The following RYR2 variants were observed in gnomAD, a reference collection of about 807,000 sequenced individuals.
RYR2 encodes the protein ryanodine receptor 2, also known as cardiac muscle ryanodine receptor-calcium release channel.
In RYR2, 227 loss-of-function variants were observed where a neutral mutation model predicts 601.1. The ratio of observed to expected loss-of-function variants is 0.38; its 90% CI spans 0.34 to 0.42. RYR2 has a LOEUF of 0.42. Among genes scored for constraint, RYR2 ranks in the 10% least tolerant of loss-of-function variants. RYR2 has a pLI of 1.00. For missense variants in RYR2, 4,646 were observed against 6,156.5 expected, an observed-to-expected ratio of 0.75 and a Z score of 8.21; for synonymous variants, 2,223 against 2,175.1, an observed-to-expected ratio of 1.02 and a Z score of -0.61.
chr1:237,505,352 T>G (rs2150506546), intron 22 of RYR2, among the ~76,000 whole-genome samples: 1 of 152,282 alleles, frequency 6.6e-6, no homozygotes, highest in South Asian at 2.1e-4. Flanking sequence ...ATATTCAAAG[T>G]TTGTTTCTTA....
In RYR2 at chr1:237,787,597, C is replaced by CAA. The variant is rs778668137; in HGVS notation, c.13329-371_13329-370dup. ...ACAGAGCGAGACTCTGTCTCAAAAA[C>CAA]AAAAAAAAAAAAAAAAAAAAAGGAT... On this transcript the variant is annotated intron_variant, in intron 91 of 104. Coordinates refer to ENST00000366574, the MANE Select transcript of RYR2 (RefSeq NM_001035.3). 2.3e-3 allele frequency among the ~76,000 whole-genome samples: 136 copies of CAA among 60,370 alleles called. 1 individual carries two copies. Among genetic ancestry groups the CAA allele is most frequent in the African/African-American group, 4.0e-3 (86 of 21,638 alleles). The allele number at this position is 60,370 out of a possible 152,430, so 39.6% of individuals were successfully genotyped here.
intron 1 of RYR2, among the ~76,000 whole-genome samples, chr1:237,244,412 G>C (rs979679142): frequency 6.6e-6 from 1 of 152,164 alleles, no homozygotes; most frequent in Non-Finnish European, 1.5e-5. Context: ...CAGAATGGCG[G>C]CTCCATCTGC....
At position 237,614,942 on chromosome 1, in the gene RYR2, T is replaced by C. The variant is rs1678305957; in HGVS notation, c.5715+99T>C. ...TTTCTCTGTGTGTGTGTTTATTTCTTTGCATTCCTGTGTAATGGTAGTTCT... is the reference window on the plus strand; with the variant it reads ...TTTCTCTGTGTGTGTGTTTATTTCTCTGCATTCCTGTGTAATGGTAGTTCT... On this transcript the variant is annotated intron_variant, in intron 37 of 104. Coordinates refer to ENST00000366574, the MANE Select transcript of RYR2 (RefSeq NM_001035.3). This position sits in a 1 kb window ranked among gnomAD's most constrained non-coding sequence, Gnocchi z 4.3. The C allele has an allele frequency of 2.4e-6, 3 of 1,228,016 alleles. No individual in the cohort carries two copies. Among genetic ancestry groups the C allele is most frequent in the Admixed American group, 2.8e-5 (1 of 35,242 alleles). The allele number at this position is 1,228,016 out of a possible 1,614,324, so 76.1% of individuals were successfully genotyped here. A position where few individuals can be genotyped will look rare whatever the true frequency, so the allele number is the denominator to read the frequency against.
intron 100 of RYR2, among the ~76,000 whole-genome samples, chr1:237,810,639 A>G (rs1372712777): frequency 2.0e-5 from 3 of 152,106 alleles, no homozygotes; most frequent in African/African-American, 7.2e-5. Flanking sequence ...TTTACTCACA[A>G]ACAAGCCTCT....
chr1:237,309,761 T>A (rs12125413), intron 2 of RYR2, among the ~76,000 whole-genome samples: 51,432 of 152,038 alleles, frequency 0.34, 8,936 homozygotes, highest in South Asian at 0.51. Flanking sequence ...GCAGGTCCCG[T>A]GCCCTGCCCT....
intron 17 of RYR2, among the ~76,000 whole-genome samples, chr1:237,488,350 C>T (rs1662927292): frequency 6.6e-6 from 1 of 152,190 alleles, no homozygotes; most frequent in Admixed American, 6.5e-5. Flanking sequence ...AAGGCTCCTG[C>T]AGATATGGCA....
chr1:237,488,518 A>G (rs1662951631), intron 17 of RYR2, among the ~76,000 whole-genome samples: 1 of 152,068 alleles, frequency 6.6e-6, no homozygotes. Flanking sequence ...TCCTAATACC[A>G]TTGTCAGGCC....
intron 58 of RYR2, among the ~76,000 whole-genome samples, chr1:237,673,215 T>C (rs1685108641): frequency 6.6e-6 from 1 of 152,180 alleles, no homozygotes; most frequent in Non-Finnish European, 1.5e-5. Flanking sequence ...ACCACACATG[T>C]TTTACGAATG....
chr1:237,782,652 A>G (rs12733934), intron 89 of RYR2, among the ~76,000 whole-genome samples: 11,299 of 152,254 alleles, frequency 0.074, 706 homozygotes, highest in African/African-American at 0.17. Context: ...TGGGTTAAAT[A>G]CTAACAAACA....
intron 12 of RYR2, among the ~76,000 whole-genome samples, chr1:237,430,347 G>A (rs1706681275): frequency 6.6e-6 from 1 of 151,476 alleles, no homozygotes; most frequent in Non-Finnish European, 1.5e-5. Flanking sequence ...ATTTTGAGTT[G>A]TAAATTGTAA....
intron 3 of RYR2, among the ~76,000 whole-genome samples, chr1:237,339,674 A>G (rs962986029): frequency 6.6e-6 from 1 of 152,168 alleles, no homozygotes; most frequent in African/African-American, 2.4e-5. Flanking sequence ...GATTTAGTTG[A>G]TCCAAGCTCT....
chr1:237,329,925 GGA>G (rs1383883504), intron 2 of RYR2, among the ~76,000 whole-genome samples: 8 of 152,132 alleles, frequency 5.3e-5, no homozygotes, highest in Non-Finnish European at 1.2e-4. Context: ...ACACAGAACA[GGA>G]CCAAGTTAGA....
At chr1:237,580,313 G>A (rs561932649) in intron 29 of RYR2, among the ~76,000 whole-genome samples, 49 of 151,616 alleles carry the variant, frequency 3.2e-4, no homozygotes, top group Admixed American at 2.4e-3. Context: ...ACACCACGAC[G>A]CCTGGCTAAT....
chr1:237,584,739 C>T (rs1380580478), intron 29 of RYR2, among the ~76,000 whole-genome samples: 1 of 132,038 alleles, frequency 7.6e-6, no homozygotes, highest in Non-Finnish European at 1.5e-5. Context: ...TAGTTCATTG[C>T]AGTCTTCAAC....
intron 80 of RYR2, among the ~76,000 whole-genome samples, chr1:237,744,528 C>T (rs778293063): frequency 1.3e-4 from 19 of 151,882 alleles, no homozygotes; most frequent in South Asian, 2.1e-4. Flanking sequence ...TGGTAGTGCA[C>T]GCCTGTAATC....
At chr1:237,258,640 A>C (rs545190042) in intron 1 of RYR2, among the ~76,000 whole-genome samples, 1 of 152,314 alleles carries the variant, frequency 6.6e-6, no homozygotes, top group East Asian at 1.9e-4. Flanking sequence ...TTCTTTGAAG[A>C]TGGCTCAAGT....
intron 1 of RYR2, among the ~76,000 whole-genome samples, chr1:237,084,547 C>T (rs1216563122): frequency 4.6e-5 from 7 of 152,028 alleles, no homozygotes; most frequent in East Asian, 1.9e-4. Flanking sequence ...GCAGAGCAAG[C>T]GTTTTGGGTA....
chr1:237,721,008 T>G (rs1276851919), intron 73 of RYR2, among the ~76,000 whole-genome samples: 1 of 152,196 alleles, frequency 6.6e-6, no homozygotes, highest in Non-Finnish European at 1.5e-5. Flanking sequence ...ATATTCATCT[T>G]GTCATTTTAT....
intron 101 of RYR2, among the ~76,000 whole-genome samples, chr1:237,824,825 T>G (rs181397471): frequency 6.5e-4 from 99 of 152,242 alleles, no homozygotes; most frequent in African/African-American, 2.3e-3. Context: ...TTCAGCAAAG[T>G]CTCAGGATAC....
Sources: allele counts gnomAD v4.1 joint callset (sites outside exome capture counted in the v4.1 genomes callset), GRCh38; gene constraint gnomAD v4.1.1; non-coding constraint Gnocchi (gnomAD v3.1); transcripts MANE v1.5; gene names NCBI Gene and HGNC (gene_info 2026-07-23, HGNC 2026-07-21).